The following KLHL3 variants were observed in gnomAD, a reference collection of about 807,000 sequenced individuals.
KLHL3 encodes kelch-like protein 3.
A neutral mutation model predicts 70.5 loss-of-function variants in KLHL3; 19 were observed. That is an observed-to-expected ratio of 0.27 (90% CI 0.19 to 0.40). KLHL3 has a LOEUF of 0.40. Ranked by LOEUF, KLHL3 falls within the 10% of genes least tolerant of loss-of-function variation. The pLI is 1.00. For synonymous variants in KLHL3, 258 were observed against 290.3 expected, an observed-to-expected ratio of 0.89 and a Z score of 1.13; for missense variants, 512 against 771.1, an observed-to-expected ratio of 0.66 and a Z score of 3.98.
chr5:137,700,034 T>C (rs964809411), intron 3 of KLHL3, among the ~76,000 whole-genome samples: 1 of 152,120 alleles, frequency 6.6e-6, no homozygotes. Context: ...CCAGATCAGG[T>C]GGACCTGAGA....
chr5:137,669,498 G>A (rs1054377894), intron 6 of KLHL3, among the ~76,000 whole-genome samples: 1 of 149,824 alleles, frequency 6.7e-6, no homozygotes, highest in African/African-American at 2.4e-5. Context: ...AAATTAAAAC[G>A]GTAACATCAC....
intron 1 of KLHL3, among the ~76,000 whole-genome samples, chr5:137,728,321 A>AT (rs1753117375): frequency 6.6e-6 from 1 of 152,200 alleles, no homozygotes; most frequent in African/African-American, 2.4e-5. Context: ...CTTCTGTCAC[A>AT]TGACAGGTGC....
chr5:137,646,493 T>C (rs143378505), intron 8 of KLHL3, among the ~76,000 whole-genome samples: 228 of 152,324 alleles, frequency 1.5e-3, no homozygotes, highest in African/African-American at 5.4e-3. Flanking sequence ...TAATGGATAG[T>C]TGTTTCCATG....
At chr5:137,726,518 G>C (rs1444059811) in intron 1 of KLHL3, among the ~76,000 whole-genome samples, 1 of 152,044 alleles carries the variant, frequency 6.6e-6, no homozygotes, top group African/African-American at 2.4e-5. Context: ...TGAAACCCTC[G>C]GGATACATCA....
chr5:137,642,520 G>C (rs371883091), intron 8 of KLHL3, among the ~76,000 whole-genome samples: 1 of 152,314 alleles, frequency 6.6e-6, no homozygotes, highest in African/African-American at 2.4e-5. Context: ...GGCAGAAAAC[G>C]TATCTGCCTC....
chr5:137,720,914 T>C (rs1417598090), intron 1 of KLHL3: 7 of 1,069,724 alleles, frequency 6.5e-6, no homozygotes, highest in Non-Finnish European at 7.9e-6. Context: ...TGTTTGTTCA[T>C]TAAACAAGCA....
chr5:137,689,260 GA>G (rs1221465202), intron 5 of KLHL3, among the ~76,000 whole-genome samples: 4 of 152,214 alleles, frequency 2.6e-5, no homozygotes, highest in Non-Finnish European at 5.9e-5. Context: ...AGCTACTGTG[GA>G]AAACAGTCTG....
rs1750958415 is a variant in KLHL3 at position 137,643,109 on chromosome 5, AGGT to A, written c.904-3135_904-3133del. Reference sequence around the variant, plus strand: ...CTCATGCCTGTAATCCCAGTACTTTAGGTGGCAGAGGCGGGTGGATCTCTTGAG... The same window carrying A: ...CTCATGCCTGTAATCCCAGTACTTTAGGCAGAGGCGGGTGGATCTCTTGAG... On this transcript the variant is annotated intron_variant, in intron 8 of 14. Coordinates refer to ENST00000309755, the MANE Select transcript of KLHL3 (RefSeq NM_017415.3). 3.3e-5 allele frequency among the ~76,000 whole-genome samples: 5 copies of A among 152,258 alleles called. No individual in the cohort carries two copies. In the South Asian group the frequency reaches 1.0e-3, roughly 32 times the overall value.
intron 12 of KLHL3, among the ~76,000 whole-genome samples, chr5:137,630,134 C>G (rs535291534): frequency 3.3e-5 from 5 of 152,194 alleles, no homozygotes; most frequent in Admixed American, 3.3e-4. Flanking sequence ...AGAGGTGAGA[C>G]TTGCCCAAAT....
intron 3 of KLHL3, among the ~76,000 whole-genome samples, chr5:137,705,650 T>C (rs755841674): frequency 7.2e-5 from 11 of 152,228 alleles, no homozygotes; most frequent in Non-Finnish European, 1.6e-4. Flanking sequence ...GCCATGATTA[T>C]GGGCATAAGA....
chr5:137,697,310 C>G (rs952823356), intron 4 of KLHL3, among the ~76,000 whole-genome samples: 4 of 152,056 alleles, frequency 2.6e-5, no homozygotes, highest in Non-Finnish European at 2.9e-5. Context: ...ATTAAAGGCA[C>G]CTGCCACCAC....
At chr5:137,630,497 C>T (rs1407789510) in intron 12 of KLHL3, among the ~76,000 whole-genome samples, 1 of 152,124 alleles carries the variant, frequency 6.6e-6, no homozygotes, top group Non-Finnish European at 1.5e-5. Flanking sequence ...AGGCTTTCGG[C>T]CCTAGGAGCA....
chr5:137,656,258 A>C (rs911478711), intron 8 of KLHL3, among the ~76,000 whole-genome samples: 1 of 152,138 alleles, frequency 6.6e-6, no homozygotes, highest in African/African-American at 2.4e-5. Context: ...AGGACTGTCC[A>C]TAATATGCAC....
intron 6 of KLHL3, 85 bp downstream of exon 6, chr5:137,677,460 A>G (rs1031158198): frequency 1.5e-5 from 12 of 782,140 alleles, no homozygotes; most frequent in Non-Finnish European, 2.3e-5. Context: ...AAAAAAAGAA[A>G]AGAAAAGATC....
At chr5:137,697,039 T>C (rs917481956) in intron 4 of KLHL3, among the ~76,000 whole-genome samples, 15 of 152,136 alleles carry the variant, frequency 9.9e-5, no homozygotes, top group Admixed American at 6.5e-5. Flanking sequence ...GCTCATCTCC[T>C]CGGTGCACCA....
At chr5:137,671,812 T>C (rs1406311522) in intron 6 of KLHL3, 1 of 152,072 alleles carries the variant, frequency 6.6e-6, no homozygotes, top group Non-Finnish European at 1.5e-5. Context: ...CTTCCCAGGG[T>C]AGGGAGTAGT....
intron 6 of KLHL3, among the ~76,000 whole-genome samples, chr5:137,663,328 A>C (rs1202558823): frequency 6.6e-6 from 1 of 151,798 alleles, no homozygotes; most frequent in Admixed American, 6.6e-5. Context: ...AAGTGCTGGG[A>C]TTACAAGCGT....
intron 4 of KLHL3, among the ~76,000 whole-genome samples, chr5:137,693,677 G>A (rs1483840847): frequency 1.3e-5 from 2 of 152,072 alleles, no homozygotes; most frequent in East Asian, 1.9e-4. Flanking sequence ...TGGGGACCCT[G>A]GCATCCACTT....
chr5:137,637,973 G>T (rs1750812926), intron 10 of KLHL3, among the ~76,000 whole-genome samples: 1 of 152,196 alleles, frequency 6.6e-6, no homozygotes, highest in Non-Finnish European at 1.5e-5. Context: ...ATGAGAAAAA[G>T]GCCAAGAGAA....
Sources: allele counts gnomAD v4.1 joint callset (sites outside exome capture counted in the v4.1 genomes callset), GRCh38; gene constraint gnomAD v4.1.1; transcripts MANE v1.5; gene names NCBI Gene and HGNC (gene_info 2026-07-23, HGNC 2026-07-21).